The following TFAP2D variants were observed in gnomAD, a reference collection of about 807,000 sequenced individuals.
TFAP2D encodes transcription factor AP-2-delta.
A neutral mutation model predicts 43.6 loss-of-function variants in TFAP2D; 9 were observed. The observed-to-expected ratio is 0.21, with a 90% CI of 0.12 to 0.36. The LOEUF is 0.36. Among genes scored for constraint, TFAP2D ranks in the 10% least tolerant of loss-of-function variants. The probability of loss-of-function intolerance (pLI) is 1.00; values close to 1 mark genes in which losing one functional copy is unlikely to be tolerated. For missense variants in TFAP2D, 513 were observed against 561.4 expected (o/e 0.91, Z 0.87); for synonymous variants, 256 against 224.9 (o/e 1.14, Z -1.24).
intron 1 of TFAP2D, among the ~76,000 whole-genome samples, 180 bp downstream of exon 1, chr6:50,714,274 T>C (rs1768577442): frequency 2.0e-5 from 3 of 152,006 alleles, no homozygotes; most frequent in Admixed American, 2.0e-4. Flanking sequence ...GAAAGTTCGT[T>C]ATGACATCTG....
chr6:50,766,654 CT>C (rs763018088), intron 7 of TFAP2D, among the ~76,000 whole-genome samples: 52 of 57,382 alleles, frequency 9.1e-4, no homozygotes, highest in South Asian at 3.9e-3. Flanking sequence ...AGATTGCTTT[CT>C]TTTTTTTTTT....
intron 5 of TFAP2D, among the ~76,000 whole-genome samples, chr6:50,731,119 C>A (rs1489425006): frequency 6.6e-6 from 1 of 152,012 alleles, no homozygotes; most frequent in African/African-American, 2.4e-5. Context: ...TATGTGGAAT[C>A]CTAGGATGAT....
At chr6:50,740,533 A>T (rs1443132855) in intron 5 of TFAP2D, among the ~76,000 whole-genome samples, 1 of 152,120 alleles carries the variant, frequency 6.6e-6, no homozygotes, top group Non-Finnish European at 1.5e-5. Context: ...TCCCGAGTTC[A>T]AGCAATTCTC....
rs185021977 is a variant in TFAP2D at position 50,751,839 on chromosome 6, A to G, written c.1139+515A>G. On this transcript the variant is annotated intron_variant, in intron 7 of 7. Transcript: ENST00000008391. ...TTTAAAATTCCAAGCTTGTAAAATC[A>G]AATTGAGAGAATAACAATGCATGAA... Among the ~76,000 whole-genome samples the G allele has an allele frequency of 1.2e-4, 18 of 152,106 alleles. 1 individual carries two copies. The highest frequency in any genetic ancestry group is 4.1e-4 in the African/African-American group (17 of 41,560).
At chr6:50,747,147 A>C (rs1769136952) in intron 6 of TFAP2D, among the ~76,000 whole-genome samples, 1 of 152,168 alleles carries the variant, frequency 6.6e-6, no homozygotes, top group Non-Finnish European at 1.5e-5. Flanking sequence ...CTTTATCTTT[A>C]CCATGTACTC....
intron 3 of TFAP2D, among the ~76,000 whole-genome samples, chr6:50,724,630 C>T (rs1381418403): frequency 3.9e-5 from 6 of 152,174 alleles, no homozygotes; most frequent in Non-Finnish European, 7.4e-5. Context: ...TTAGAGGCTC[C>T]AGGGACCCGC....
chr6:50,741,092 TGTATTTAATATAAGTATTTAATATAA>T (rs944522406), intron 5 of TFAP2D, among the ~76,000 whole-genome samples: 1 of 151,840 alleles, frequency 6.6e-6, no homozygotes, highest in African/African-American at 2.4e-5. Context: ...ATTAAATATC[TGTATTTAATATAAGTATTTAATATAA>T]GTATTTAATA....
intron 7 of TFAP2D, among the ~76,000 whole-genome samples, chr6:50,768,823 A>G (rs1769481217): frequency 6.6e-6 from 1 of 152,052 alleles, no homozygotes; most frequent in Admixed American, 6.6e-5. Flanking sequence ...ATGACCTTTC[A>G]GGTCATGAAA....
intron 3 of TFAP2D, among the ~76,000 whole-genome samples, chr6:50,726,207 C>T (rs1162873547): frequency 2.0e-5 from 3 of 152,176 alleles, no homozygotes; most frequent in African/African-American, 7.2e-5. Flanking sequence ...ATAAGGTTCA[C>T]TTTGCCAAAA....
In TFAP2D at chr6:50,722,831, G is replaced by T. The variant is rs1768749771; in HGVS notation, c.598+3681G>T. On this transcript the variant is annotated intron_variant, in intron 3 of 7. Transcript: ENST00000008391. ...ACTAAAAAGGGGGGGGCGGGGGATG[G>T]GAGAGGAAAAAATGAAAAAAGTGAA... Among the ~76,000 whole-genome samples, 3 of 152,200 alleles carry T rather than the reference G, an allele frequency of 2.0e-5. No individual in the cohort carries two copies. The South Asian group carries it at 6.2e-4, about 32-fold the overall frequency.
intron 7 of TFAP2D, among the ~76,000 whole-genome samples, chr6:50,766,743 A>G (rs1487638268): frequency 7.7e-6 from 1 of 130,216 alleles, no homozygotes; most frequent in African/African-American, 2.9e-5. Flanking sequence ...ATCTCGGCTC[A>G]CTGCAAGCTC....
chr6:50,715,741 T>TCA lies in TFAP2D; in HGVS notation c.537+129_537+130insAC, dbSNP rs1484526370. The TCA allele has an allele frequency of 3.3e-5, 24 of 724,428 alleles. No individual in the cohort carries two copies. In the African/African-American group the frequency reaches 3.4e-4, roughly 10 times the overall value. 44.9% of individuals were successfully genotyped at this position (724,428 alleles called of 1,614,324 possible). On this transcript the variant is annotated intron_variant, in intron 2 of 7. Coordinates refer to ENST00000008391, the MANE Select transcript of TFAP2D (RefSeq NM_172238.4). The stretch of plus-strand genomic sequence containing the variant: ...CTTCTCCTCTCTCTCTCTCTCTCTC[T>TCA]CTCTCTCTCACACACACACACACAC...
At chr6:50,725,637 G>T (rs1243223752) in intron 3 of TFAP2D, among the ~76,000 whole-genome samples, 2 of 152,130 alleles carry the variant, frequency 1.3e-5, no homozygotes, top group Non-Finnish European at 2.9e-5. Flanking sequence ...ACTGTAAATG[G>T]CTTGGTGTGG....
intron 6 of TFAP2D, among the ~76,000 whole-genome samples, chr6:50,748,977 T>A (rs976161777): frequency 2.0e-5 from 3 of 151,820 alleles, no homozygotes; most frequent in Admixed American, 2.0e-4. Flanking sequence ...CCTTGAGATG[T>A]AAGATTGTTT....
chr6:50,744,103 A>G (rs1351112822), intron 5 of TFAP2D, among the ~76,000 whole-genome samples: 4 of 152,114 alleles, frequency 2.6e-5, no homozygotes, highest in Admixed American at 2.6e-4. Flanking sequence ...ATATAGGTAA[A>G]CTGTGTCATG....
chr6:50,715,671 G>T (rs1251332852), intron 2 of TFAP2D, 58 bp downstream of exon 2: 5 of 1,521,736 alleles, frequency 3.3e-6, no homozygotes, highest in Middle Eastern at 1.8e-4. Flanking sequence ...TCCCCCTGCC[G>T]CCCCATTAAT....
chr6:50,714,921 CACCCCCA>C (rs1768590674), intron 1 of TFAP2D, among the ~76,000 whole-genome samples, 188 bp from the exon 2 acceptor site: 1 of 152,098 alleles, frequency 6.6e-6, no homozygotes, highest in Admixed American at 6.5e-5. Flanking sequence ...CGAGGCCGCC[CACCCCCA>C]GTTCGCCTGT....
chr6:50,749,478 C>G (rs1295299493), intron 6 of TFAP2D, among the ~76,000 whole-genome samples: 1 of 151,748 alleles, frequency 6.6e-6, no homozygotes, highest in Non-Finnish European at 1.5e-5. Flanking sequence ...AAAAACAACA[C>G]CAATCTTTCT....
chr6:50,737,930 A>G (rs565592705), intron 5 of TFAP2D, among the ~76,000 whole-genome samples: 1 of 152,298 alleles, frequency 6.6e-6, no homozygotes, highest in East Asian at 1.9e-4. Flanking sequence ...ATAAATGTCT[A>G]GGAATGGCGT....
Sources: allele counts gnomAD v4.1 joint callset (sites outside exome capture counted in the v4.1 genomes callset), GRCh38; gene constraint gnomAD v4.1.1; transcripts MANE v1.5; gene names NCBI Gene and HGNC (gene_info 2026-07-23, HGNC 2026-07-21).